CPA6: variants seen among roughly 807,000 people sequenced by gnomAD.
CPA6 encodes carboxypeptidase B.
CPA6 carries 58 observed loss-of-function variants against 63.3 expected under a neutral mutation model. That is an observed-to-expected ratio of 0.92 (90% confidence interval 0.74 to 1.14). The LOEUF (loss-of-function observed/expected upper bound fraction) is 1.14. Among genes scored for constraint, CPA6 ranks in the 50% most tolerant of loss-of-function variants. CPA6 has a pLI of 0.00. For missense variants in CPA6, 565 were observed against 526.6 expected (o/e 1.07, Z -0.71); for synonymous variants, 185 against 179.0 (o/e 1.03, Z -0.27).
At chr8:67,478,595 G>T (rs1223400456) in intron 8 of CPA6, among the ~76,000 whole-genome samples, 1 of 152,210 alleles carries the variant, frequency 6.6e-6, no homozygotes, top group Non-Finnish European at 1.5e-5. Flanking sequence ...GTCCACTGCA[G>T]AGTTGCTTGG....
At chr8:67,471,206 A>T (rs541480942) in intron 8 of CPA6, among the ~76,000 whole-genome samples, 83 of 152,162 alleles carry the variant, frequency 5.5e-4, no homozygotes, top group African/African-American at 1.9e-3. Context: ...TTCTGTGTGC[A>T]CTGTCTTTCC....
intron 5 of CPA6, among the ~76,000 whole-genome samples, chr8:67,507,815 C>T (rs1158420677): frequency 6.6e-6 from 1 of 152,098 alleles, no homozygotes; most frequent in Non-Finnish European, 1.5e-5. Flanking sequence ...TTCAGCAAGA[C>T]ATAAAGCTTG....
At chr8:67,538,707 T>C (rs1424360014) in intron 2 of CPA6, among the ~76,000 whole-genome samples, 2 of 152,022 alleles carry the variant, frequency 1.3e-5, no homozygotes, top group African/African-American at 4.8e-5. Context: ...TTGCCGAGGC[T>C]GGAGTGCAGT....
chr8:67,665,318 G>A (rs1398242752), intron 1 of CPA6, among the ~76,000 whole-genome samples: 1 of 152,182 alleles, frequency 6.6e-6, no homozygotes, highest in Non-Finnish European at 1.5e-5. Flanking sequence ...TTGCGTGACC[G>A]AGTTTCTTCA....
At chr8:67,461,941 AAGG>A (rs1296717572) in intron 8 of CPA6, among the ~76,000 whole-genome samples, 1 of 152,156 alleles carries the variant, frequency 6.6e-6, no homozygotes, top group Non-Finnish European at 1.5e-5. Context: ...GCTAATAAGC[AAGG>A]AGAAGGGTTT....
chr8:67,634,922 C>G (rs140432123), intron 1 of CPA6, among the ~76,000 whole-genome samples: 1 of 151,596 alleles, frequency 6.6e-6, no homozygotes, highest in East Asian at 1.9e-4. Context: ...TGGTCTCACT[C>G]TGTTGCCCAG....
chr8:67,734,013 G>T (rs895493507), intron 1 of CPA6, among the ~76,000 whole-genome samples: 1 of 150,514 alleles, frequency 6.6e-6, no homozygotes, highest in Non-Finnish European at 1.5e-5. Context: ...TAGTGGAAGT[G>T]CAGGCATGCG....
intron 1 of CPA6, among the ~76,000 whole-genome samples, chr8:67,658,637 C>T (rs906536310): frequency 2.0e-5 from 3 of 152,160 alleles, no homozygotes; most frequent in Admixed American, 1.3e-4. Context: ...TTCAACTGTA[C>T]GTCTAACTGC....
At chr8:67,693,409 G>C (rs1816852157) in intron 1 of CPA6, among the ~76,000 whole-genome samples, 2 of 152,230 alleles carry the variant, frequency 1.3e-5, no homozygotes, top group Non-Finnish European at 2.9e-5. Context: ...AATTTACTTA[G>C]TGAAATGTGG....
intron 1 of CPA6, among the ~76,000 whole-genome samples, chr8:67,633,461 C>G (rs540904079): frequency 5.3e-5 from 8 of 152,242 alleles, no homozygotes; most frequent in Non-Finnish European, 1.0e-4. Context: ...GCGGGTGGAT[C>G]ACGAGGTCAG....
At chr8:67,635,182 C>T (rs1815440153) in intron 1 of CPA6, among the ~76,000 whole-genome samples, 1 of 151,598 alleles carries the variant, frequency 6.6e-6, no homozygotes, top group Admixed American at 6.6e-5. Context: ...GCCATTGCAC[C>T]CAGCCTAGAA....
intron 1 of CPA6, among the ~76,000 whole-genome samples, chr8:67,708,460 G>A (rs1231837600): frequency 6.6e-6 from 1 of 152,078 alleles, no homozygotes; most frequent in Non-Finnish European, 1.5e-5. Flanking sequence ...TTATTCCTTT[G>A]AACTAACTAG....
At chr8:67,436,089 A>G (rs1385876521) in intron 8 of CPA6, among the ~76,000 whole-genome samples, 1 of 151,770 alleles carries the variant, frequency 6.6e-6, no homozygotes, top group Non-Finnish European at 1.5e-5. Context: ...CCCACCAACC[A>G]GGGGAGCCAC....
At chr8:67,491,848 AT>A (rs150105020) in intron 6 of CPA6, among the ~76,000 whole-genome samples, 5,352 of 152,288 alleles carry the variant, frequency 0.035, 306 homozygotes, top group African/African-American at 0.12. Context: ...AAATCACTAT[AT>A]AAATAAAAAT....
intron 8 of CPA6, among the ~76,000 whole-genome samples, chr8:67,446,810 T>A (rs906138995): frequency 4.6e-5 from 7 of 152,142 alleles, no homozygotes; most frequent in Non-Finnish European, 1.0e-4. Context: ...TTTACTTGCA[T>A]CTCCCACTGT....
chr8:67,449,184 A>G (rs572955627), intron 8 of CPA6, among the ~76,000 whole-genome samples: 1 of 152,210 alleles, frequency 6.6e-6, no homozygotes, highest in African/African-American at 2.4e-5. Context: ...ACAGGGAGGC[A>G]GAGGTTGCAA....
At chr8:67,726,550 TA>T (rs1463601195) in intron 1 of CPA6, among the ~76,000 whole-genome samples, 6 of 152,210 alleles carry the variant, frequency 3.9e-5, no homozygotes, top group African/African-American at 1.4e-4. Flanking sequence ...ATACATGTTA[TA>T]GGGGAATACA....
At chr8:67,556,262 G>C (rs556436880) in intron 2 of CPA6, among the ~76,000 whole-genome samples, 1 of 152,132 alleles carries the variant, frequency 6.6e-6, no homozygotes, top group East Asian at 1.9e-4. Context: ...AAAGAGTGTT[G>C]CCACTGGTCT....
chr8:67,647,185 C>G (rs972943401), intron 1 of CPA6, among the ~76,000 whole-genome samples: 2 of 151,954 alleles, frequency 1.3e-5, no homozygotes, highest in East Asian at 3.9e-4. Context: ...TTTACATGAC[C>G]ACAGGAGAGG....
Sources: allele counts gnomAD v4.1 joint callset (sites outside exome capture counted in the v4.1 genomes callset), GRCh38; gene constraint gnomAD v4.1.1; transcripts MANE v1.5; gene names NCBI Gene and HGNC (gene_info 2026-07-23, HGNC 2026-07-21).